Variants in SFPQ observed in about 807,000 individuals in gnomAD.
SFPQ encodes the protein splicing factor proline and glutamine rich, also known as splicing factor, proline- and glutamine-rich.
SFPQ carries 11 observed loss-of-function variants against 72.9 expected under a neutral mutation model. The observed-to-expected ratio is 0.15, with a 90% CI of 0.09 to 0.25. The LOEUF (loss-of-function observed/expected upper bound fraction) is 0.25, where lower values mean the gene tolerates loss of function less well. Among genes scored for constraint, SFPQ ranks in the 10% least tolerant of loss-of-function variants. The pLI is 1.00. For synonymous variants in SFPQ, 506 were observed against 367.3 expected (o/e 1.38, Z -4.32); for missense variants, 847 against 993.3 (o/e 0.85, Z 1.98).
At chr1:35,182,455 T>C, downstream of SFPQ, 1 of 985,284 alleles carries the variant, frequency 1.0e-6, no homozygotes, top group Non-Finnish European at 1.2e-6. Context: ...ATTCTCTCCC[T>C]TAGCACACCA....
chr1:35,188,480 C>T (rs1394172946), intron 6 of SFPQ, among the ~76,000 whole-genome samples: 1 of 152,008 alleles, frequency 6.6e-6, no homozygotes, highest in African/African-American at 2.4e-5. Flanking sequence ...TTGACACCAG[C>T]CTAGGCAATA....
intron 4 of SFPQ, 27 bp downstream of exon 4, chr1:35,190,471 C>T: frequency 6.6e-7 from 1 of 1,504,926 alleles, no homozygotes; most frequent in African/African-American, 1.4e-5. Flanking sequence ...GATTTAAAAA[C>T]TGCCAAAAAA....
rs796763714 is a variant in SFPQ at position 35,184,153 on chromosome 1, T to TAA, written c.*301_*302dup. On this transcript the variant is annotated 3_prime_UTR_variant, in exon 10 of 10. Coordinates refer to ENST00000357214, the MANE Select transcript of SFPQ (RefSeq NM_005066.3). ...ATTTTTCTATTTATTTGAAGCACAG[T>TAA]AAAAAAAAAAAAATTGGTACACTTT... 3.2e-4 allele frequency: 289 copies of TAA among 903,084 alleles called. No individual in the cohort carries two copies. Among genetic ancestry groups the TAA allele is most frequent in the South Asian group, 7.7e-4 (21 of 27,298 alleles). 55.9% of individuals were successfully genotyped at this position (903,084 alleles called of 1,614,324 possible).
chr1:35,188,409 G>A (rs562293341), intron 6 of SFPQ, among the ~76,000 whole-genome samples: 18 of 152,156 alleles, frequency 1.2e-4, no homozygotes, highest in African/African-American at 3.9e-4. Flanking sequence ...CATAAGTCAA[G>A]GATTAAGGCC....
intron 1 of SFPQ, 110 bp downstream of exon 1, chr1:35,192,112 A>G (rs1640037996): frequency 1.1e-6 from 1 of 916,048 alleles, no homozygotes. Flanking sequence ...GGCGCGCGCA[A>G]GCGCCCCTTC....
intron 1 of SFPQ, among the ~76,000 whole-genome samples, 193 bp downstream of exon 1, chr1:35,192,029 C>T (rs1307131275): frequency 1.3e-5 from 2 of 151,976 alleles, no homozygotes; most frequent in Admixed American, 6.5e-5. Context: ...TTCCGCCCGC[C>T]GGGAGAGCAA....
intron 7 of SFPQ, 28 bp downstream of exon 7, chr1:35,187,945 A>G (rs772154659): frequency 2.8e-6 from 4 of 1,420,010 alleles, no homozygotes; most frequent in Non-Finnish European, 4.0e-6. Context: ...AGACAACTCC[A>G]ATTGGAAGGC....
At chr1:35,179,661 A>G, downstream of SFPQ, 1 of 1,055,016 alleles carries the variant, frequency 9.5e-7, no homozygotes, top group Non-Finnish European at 1.1e-6. Context: ...CAAGTTTCTC[A>G]TTCTAAAGTG....
At chr1:35,180,284 G>A (rs1272606803), downstream of SFPQ, 1 of 1,048,974 alleles carries the variant, frequency 9.5e-7, no homozygotes, top group Non-Finnish European at 1.2e-6. Flanking sequence ...AACAGTTGAT[G>A]CAAAGTCCTA....
chr1:35,192,814 GGCGGTGGCTGCT>G lies in SFPQ; in HGVS notation c.224_235del (p.Gln75_Pro78del), dbSNP rs957983465. ...CGGCTGATGCGGTGGCGGCTGCTGC[GGCGGTGGCTGCT>G]GCGGTGGTGGCTGTTGCTGCTGTTG... On this transcript the variant is annotated inframe_deletion, in exon 1 of 10. Coordinates refer to ENST00000357214, the MANE Select transcript of SFPQ (RefSeq NM_005066.3). 19 of 1,503,714 alleles carry G rather than the reference GGCGGTGGCTGCT, an allele frequency of 1.3e-5. No individual in the cohort carries two copies. Among genetic ancestry groups the G allele is most frequent in the African/African-American group, 4.3e-5 (3 of 69,402 alleles). 93.1% of individuals were successfully genotyped at this position (1,503,714 alleles called of 1,614,324 possible). A position where few individuals can be genotyped will look rare whatever the true frequency, so the allele number is the denominator to read the frequency against.
chr1:35,188,342 C>CT (rs1469096587), intron 6 of SFPQ, among the ~76,000 whole-genome samples: 1 of 152,164 alleles, frequency 6.6e-6, no homozygotes, highest in African/African-American at 2.4e-5. Context: ...TTTTGCCTGA[C>CT]TGACCTGAAA....
rs1640116060 is a variant in SFPQ at position 35,192,922 on chromosome 1, T to G, written c.128A>C (p.Asn43Thr). Residue 43 changes from asparagine to threonine, a missense_variant, in exon 1 of 10, where the codon AAT becomes ACT. This residue lies in a region of SFPQ where 498 missense variants were observed against 405.1 expected (regional missense o/e 1.23). Transcript: ENST00000357214. ...SPPPGMGLNQNRGPMGPGPGQ... is the reference protein window; with the variant it reads ...SPPPGMGLNQTRGPMGPGPGQ... ...CGGGCCAGGACCCATGGGGCCGCGA[T>G]TCTGATTGAGGCCCATGCCGGGCGG... 8 of 1,584,886 alleles carry G rather than the reference T, an allele frequency of 5.0e-6. No homozygotes were observed. The highest frequency in any genetic ancestry group is 6.8e-6 in the Non-Finnish European group (8 of 1,173,732).
chr1:35,185,366 C>T (rs1198789115), intron 9 of SFPQ, among the ~76,000 whole-genome samples: 1 of 152,148 alleles, frequency 6.6e-6, no homozygotes, highest in Non-Finnish European at 1.5e-5. Context: ...CCATCTTTTC[C>T]CTTAGGTCTT....
chr1:35,178,086 A>G (rs1639321553), downstream of SFPQ: 2 of 1,236,788 alleles, frequency 1.6e-6, no homozygotes, highest in Non-Finnish European at 2.1e-6. Context: ...GTATAAAATA[A>G]AGGTTTGAAA....
At chr1:35,179,742 A>C (rs11264112), downstream of SFPQ, 57,047 of 1,055,708 alleles carry the variant, frequency 0.054, 9,372 homozygotes, top group East Asian at 0.69. Flanking sequence ...AAGTTCCTGA[A>C]GTCCATATAT....
intron 9 of SFPQ, among the ~76,000 whole-genome samples, chr1:35,185,815 A>C (rs570446844): frequency 1.0e-3 from 156 of 152,306 alleles, no homozygotes; most frequent in African/African-American, 3.6e-3. Context: ...ACTTAAAAAA[A>C]AGAAAAAGTT....
At chr1:35,179,262 T>C, downstream of SFPQ, 1 of 1,060,550 alleles carries the variant, frequency 9.4e-7, no homozygotes, top group Non-Finnish European at 1.1e-6. Context: ...GCAACCCCCA[T>C]TAAGGTTAAA....
chr1:35,191,540 AG>A lies in SFPQ; in HGVS notation c.829-12del. 1 of 1,600,424 alleles carries A rather than the reference AG, an allele frequency of 6.2e-7. No homozygotes were observed. The highest frequency in any genetic ancestry group is 8.5e-7 in the Non-Finnish European group (1 of 1,174,892). On this transcript the variant is annotated splice_polypyrimidine_tract_variant and intron_variant, in intron 1 of 9. Transcript: ENST00000357214. ...ATTGGCTTTAAACCCCTAATGAAAA[AG>A]GAAAGAAGTTTTCAAACACCAGAGA...
At chr1:35,190,431 A>C (rs1420707427) in intron 4 of SFPQ, 67 bp downstream of exon 4, 1 of 1,148,504 alleles carries the variant, frequency 8.7e-7, no homozygotes, top group African/African-American at 1.6e-5. Flanking sequence ...AAATTGGAAA[A>C]TCACTAAAAT....
Sources: allele counts gnomAD v4.1 joint callset (sites outside exome capture counted in the v4.1 genomes callset), GRCh38; gene constraint gnomAD v4.1.1; regional missense constraint gnomAD v4.1.1; transcripts MANE v1.5; gene names NCBI Gene and HGNC (gene_info 2026-07-23, HGNC 2026-07-21).